The following PBX1 variants were observed in gnomAD, a reference collection of about 807,000 sequenced individuals.
PBX1 encodes PBX homeobox 1.
A neutral mutation model predicts 53.4 loss-of-function variants in PBX1; 6 were observed. The observed-to-expected ratio is 0.11, with a 90% CI of 0.06 to 0.22. PBX1 has a LOEUF of 0.22. Among genes scored for constraint, PBX1 ranks in the 10% least tolerant of loss-of-function variants. PBX1 has a pLI of 1.00. For missense variants in PBX1, 251 were observed against 551.4 expected (o/e 0.46, Z 5.46); for synonymous variants, 204 against 212.3 (o/e 0.96, Z 0.34).
chr1:164,580,771 G>T (rs949329300), intron 2 of PBX1, among the ~76,000 whole-genome samples: 1 of 151,874 alleles, frequency 6.6e-6, no homozygotes, highest in Non-Finnish European at 1.5e-5. Flanking sequence ...TAGAGACGGG[G>T]TTTCACCATG....
At chr1:164,827,604 G>T (rs1270583238) in intron 8 of PBX1, among the ~76,000 whole-genome samples, 1 of 152,022 alleles carries the variant, frequency 6.6e-6, no homozygotes, top group African/African-American at 2.4e-5. Flanking sequence ...CTTCTTATAG[G>T]GCCTTTAAAC....
intron 8 of PBX1, among the ~76,000 whole-genome samples, chr1:164,843,372 A>G (rs1337947744): frequency 6.6e-6 from 1 of 152,174 alleles, no homozygotes; most frequent in Admixed American, 6.5e-5. Context: ...GGGAGGTCAT[A>G]GCTGGCATAT....
intron 8 of PBX1, among the ~76,000 whole-genome samples, chr1:164,844,979 G>T (rs1571518022): frequency 6.6e-6 from 1 of 152,338 alleles, no homozygotes; most frequent in Admixed American, 6.5e-5. Flanking sequence ...GGAGATGGGA[G>T]ATTGGAACTT....
At chr1:164,767,657 G>GAA (rs796425003) in intron 2 of PBX1, among the ~76,000 whole-genome samples, 14 of 135,302 alleles carry the variant, frequency 1.0e-4, no homozygotes, top group African/African-American at 3.5e-4. Context: ...ATCAAAAAAA[G>GAA]AAAAAAAAAA....
At chr1:164,802,937 C>T (rs1011974624) in intron 4 of PBX1, among the ~76,000 whole-genome samples, 10 of 151,882 alleles carry the variant, frequency 6.6e-5, no homozygotes, top group Admixed American at 2.0e-4. Flanking sequence ...GAGCATTAAT[C>T]TTAACTGTTT....
chr1:164,645,447 T>G (rs2101909083), intron 2 of PBX1, among the ~76,000 whole-genome samples: 1 of 152,172 alleles, frequency 6.6e-6, no homozygotes, highest in East Asian at 1.9e-4. Flanking sequence ...AAATGAATTA[T>G]GCATATGGAA....
At chr1:164,613,725 T>A (rs1008438439) in intron 2 of PBX1, among the ~76,000 whole-genome samples, 4 of 152,172 alleles carry the variant, frequency 2.6e-5, no homozygotes, top group South Asian at 2.1e-4. Context: ...AACATCAGTT[T>A]CCTTGTCTTC....
intron 2 of PBX1, among the ~76,000 whole-genome samples, chr1:164,598,395 A>G (rs555818862): frequency 6.6e-6 from 1 of 152,134 alleles, no homozygotes; most frequent in Non-Finnish European, 1.5e-5. Flanking sequence ...GTCGAGACCA[A>G]GGCACACTGT....
chr1:164,618,294 CGG>C (rs1657423113), intron 2 of PBX1, among the ~76,000 whole-genome samples: 5 of 118,684 alleles, frequency 4.2e-5, no homozygotes, highest in Non-Finnish European at 8.7e-5. Flanking sequence ...AGAATAATCA[CGG>C]CGGGGGGGGG....
chr1:164,636,671 T>C (rs1409870128), intron 2 of PBX1, among the ~76,000 whole-genome samples: 4 of 152,190 alleles, frequency 2.6e-5, no homozygotes, highest in Non-Finnish European at 5.9e-5. Flanking sequence ...TCTCGTCTTC[T>C]CATCATGGCT....
chr1:164,734,833 C>A (rs1163510707), intron 2 of PBX1, among the ~76,000 whole-genome samples: 1 of 152,050 alleles, frequency 6.6e-6, no homozygotes, highest in Non-Finnish European at 1.5e-5. Flanking sequence ...AATATTCATA[C>A]ACTAACTTTC....
intron 2 of PBX1, among the ~76,000 whole-genome samples, chr1:164,862,080 G>T (rs907536774): frequency 1.3e-5 from 2 of 152,118 alleles, no homozygotes; most frequent in African/African-American, 2.4e-5. Flanking sequence ...AAGTTTTAAC[G>T]TGTGACTCTG....
chr1:164,792,701 G>A lies in PBX1; in HGVS notation c.473G>A (p.Arg158Lys). Residue 158 changes from arginine to lysine, a missense_variant, in exon 3 of 9, where the codon AGA becomes AAA. By Grantham distance (26) the Arg-to-Lys change is conservative. Coordinates refer to ENST00000420696, the MANE Select transcript of PBX1 (RefSeq NM_002585.4). ...SDYRAKLSQI[R>K]QIYHTELEKY... ...TACAGAGCCAAACTCTCACAGATCA[G>A]ACAAATCTACCATACGGAGCTGGAG... 1 of 1,613,496 alleles carries A rather than the reference G, an allele frequency of 6.2e-7. No individual in the cohort carries two copies. Among genetic ancestry groups the A allele is most frequent in the Non-Finnish European group, 8.5e-7 (1 of 1,179,590 alleles).
At chr1:164,728,810 C>T (rs1664832105) in intron 2 of PBX1, among the ~76,000 whole-genome samples, 1 of 152,158 alleles carries the variant, frequency 6.6e-6, no homozygotes, top group African/African-American at 2.4e-5. Context: ...TCCCGATATT[C>T]TCCCCACCCA....
chr1:164,633,686 G>A (rs187555224), intron 2 of PBX1, among the ~76,000 whole-genome samples: 28 of 152,306 alleles, frequency 1.8e-4, no homozygotes, highest in Non-Finnish European at 3.2e-4. Flanking sequence ...TCTAGACTGT[G>A]ATTGCCAGGA....
intron 2 of PBX1, among the ~76,000 whole-genome samples, chr1:164,867,819 A>G (rs1383034133): frequency 6.6e-6 from 1 of 152,254 alleles, no homozygotes; most frequent in Non-Finnish European, 1.5e-5. Context: ...TAACACTGCA[A>G]TATCAGCGCG....
At chr1:164,608,418 T>A (rs1359688417) in intron 2 of PBX1, among the ~76,000 whole-genome samples, 1 of 152,190 alleles carries the variant, frequency 6.6e-6, no homozygotes, top group Non-Finnish European at 1.5e-5. Flanking sequence ...CGGAGTGTAC[T>A]GGTTAACACA....
intron 2 of PBX1, among the ~76,000 whole-genome samples, chr1:164,671,960 G>A (rs12723705): frequency 0.14 from 20,616 of 151,670 alleles, 1,762 homozygotes; most frequent in Non-Finnish European, 0.2. Flanking sequence ...AGAGTCCACC[G>A]TGGATTCTTC....
chr1:164,571,375 A>G (rs1401055656), intron 2 of PBX1, among the ~76,000 whole-genome samples: 2 of 152,126 alleles, frequency 1.3e-5, no homozygotes, highest in African/African-American at 4.8e-5. Context: ...CCTGGTAACC[A>G]CTAACCTACT....
Sources: allele counts gnomAD v4.1 joint callset (sites outside exome capture counted in the v4.1 genomes callset), GRCh38; gene constraint gnomAD v4.1.1; transcripts MANE v1.5; gene names NCBI Gene and HGNC (gene_info 2026-07-23, HGNC 2026-07-21).